ACACA: variants seen among roughly 807,000 people sequenced by gnomAD.
ACACA encodes the protein acetyl-CoA carboxylase alpha.
A neutral mutation model predicts 296.1 loss-of-function variants in ACACA; 103 were observed. The observed-to-expected ratio is 0.35, with a 90% confidence interval of 0.30 to 0.41. The LOEUF is 0.41. Ranked by LOEUF, ACACA falls within the 10% of genes least tolerant of loss-of-function variation. ACACA has a pLI of 1.00. For missense variants in ACACA, 1,554 were observed against 2,989.7 expected, an observed-to-expected ratio of 0.52 and a Z score of 11.20; for synonymous variants, 953 against 1,038.6, an observed-to-expected ratio of 0.92 and a Z score of 1.58.
intron 3 of ACACA, 35 bp downstream of exon 3, chr17:37,330,137 CA>C: frequency 6.2e-7 from 1 of 1,612,922 alleles, no homozygotes; most frequent in South Asian, 1.1e-5. Context: ...ACTAACAAGA[CA>C]GATTAAATAA....
At chr17:37,298,592 T>G (rs1254974689) in intron 3 of ACACA, among the ~76,000 whole-genome samples, 1 of 151,768 alleles carries the variant, frequency 6.6e-6, no homozygotes, top group Non-Finnish European at 1.5e-5. Context: ...GAGGCTGAGG[T>G]GGGAGGATCA....
At chr17:37,367,890 A>C (rs1318282216) in intron 1 of ACACA, among the ~76,000 whole-genome samples, 3 of 152,086 alleles carry the variant, frequency 2.0e-5, no homozygotes, top group African/African-American at 7.2e-5. Flanking sequence ...CAACATGATG[A>C]AACCCCGTCT....
intron 47 of ACACA, among the ~76,000 whole-genome samples, chr17:37,128,056 A>AAAAAAAAG (rs2074905344): frequency 7.8e-6 from 1 of 127,730 alleles, no homozygotes; most frequent in Non-Finnish European, 1.6e-5. Context: ...AAAAAAAAAC[A>AAAAAAAAG]GTAGGAAGAA....
intron 41 of ACACA, among the ~76,000 whole-genome samples, chr17:37,167,270 CTT>C (rs11387933): frequency 1.4e-3 from 146 of 105,524 alleles, no homozygotes; most frequent in African/African-American, 3.3e-3. Context: ...ATGGTATTTT[CTT>C]TTTTTTTTTT....
At chr17:37,107,876 C>T (rs1202749371) in intron 52 of ACACA, among the ~76,000 whole-genome samples, 1 of 152,206 alleles carries the variant, frequency 6.6e-6, no homozygotes, top group African/African-American at 2.4e-5. Context: ...GACCTCAGGT[C>T]ACAGCACTCA....
chr17:37,188,570 A>C, intron 38 of ACACA, 90 bp from the exon 39 acceptor site: 1 of 651,390 alleles, frequency 1.5e-6, no homozygotes, highest in South Asian at 2.8e-5. Flanking sequence ...AAGAAGGGGT[A>C]AAAAAAAAAA....
intron 52 of ACACA, among the ~76,000 whole-genome samples, chr17:37,110,330 G>A (rs1395736252): frequency 1.3e-5 from 2 of 152,240 alleles, no homozygotes; most frequent in Non-Finnish European, 2.9e-5. Flanking sequence ...TAATTAAAGT[G>A]TACAGGGTTG....
intron 3 of ACACA, among the ~76,000 whole-genome samples, chr17:37,291,820 CAT>C (rs1360478840): frequency 6.6e-6 from 1 of 151,934 alleles, no homozygotes; most frequent in Non-Finnish European, 1.5e-5. Context: ...TCTGAGATGA[CAT>C]ATACTAAATA....
intron 45 of ACACA, chr17:37,144,339 C>G (rs2075723474): frequency 2.0e-6 from 1 of 506,126 alleles, no homozygotes; most frequent in Non-Finnish European, 3.6e-6. Flanking sequence ...CAGTGCCTGT[C>G]TGGCTCTCGC....
Position 37,392,216 on chromosome 17 carries a change from C to T in ACACA, c.38+14046G>A, listed in dbSNP as rs370044531. ...AGCTTCTGGTACTACATGTATCTAT[C>T]CACACACTGCTGAAGGGAACTTGAC... On this transcript the variant is annotated intron_variant, in intron 1 of 55. Coordinates refer to ENST00000616317, the MANE Select transcript of ACACA (RefSeq NM_198834.3). 3.3e-4 allele frequency: 52 copies of T among 158,640 alleles called. 1 individual carries two copies. The South Asian group carries it at 6.0e-3, about 18-fold the overall frequency. The allele number at this position is 158,640 out of a possible 1,614,324, so 9.8% of individuals were successfully genotyped here.
At chr17:37,284,279 G>C (rs944883647) in intron 4 of ACACA, among the ~76,000 whole-genome samples, 9 of 152,146 alleles carry the variant, frequency 5.9e-5, no homozygotes, top group African/African-American at 2.2e-4. Flanking sequence ...GTAAGTCACA[G>C]TGTATCAAAC....
At chr17:37,125,158 A>G (rs1484535304) in intron 48 of ACACA, among the ~76,000 whole-genome samples, 1 of 152,104 alleles carries the variant, frequency 6.6e-6, no homozygotes, top group Non-Finnish European at 1.5e-5. Context: ...TCAATTTCCC[A>G]CTTCAAAAAT....
intron 45 of ACACA, 148 bp from the exon 46 acceptor site, chr17:37,130,366 T>A (rs2075029774): frequency 4.2e-6 from 4 of 963,848 alleles, no homozygotes; most frequent in Non-Finnish European, 4.7e-6. Context: ...ACTATCTGAA[T>A]CTTCTTCCTA....
chr17:37,247,904 C>A, intron 18 of ACACA, 107 bp downstream of exon 18: 29 of 1,251,254 alleles, frequency 2.3e-5, no homozygotes, highest in Middle Eastern at 2.7e-4. Context: ...TTTTTTTTAA[C>A]TACAAATGAG....
chr17:37,122,469 A>T (rs2074573048), intron 49 of ACACA, 62 bp downstream of exon 49: 1 of 1,295,682 alleles, frequency 7.7e-7, no homozygotes, highest in African/African-American at 1.5e-5. Flanking sequence ...TGATGTATTC[A>T]CAGGCACTGC....
chr17:37,336,278 A>G (rs2048114818), intron 2 of ACACA, among the ~76,000 whole-genome samples: 3 of 152,234 alleles, frequency 2.0e-5, no homozygotes, highest in East Asian at 1.9e-4. Flanking sequence ...CTACGCCCCA[A>G]TTCAGCAGGA....
intron 24 of ACACA, among the ~76,000 whole-genome samples, chr17:37,236,583 G>A (rs905312332): frequency 6.6e-6 from 1 of 151,810 alleles, no homozygotes; most frequent in Non-Finnish European, 1.5e-5. Flanking sequence ...CCAGCACTTT[G>A]GGCAGCCAAG....
chr17:37,279,291 T>C (rs1319194361), intron 5 of ACACA, among the ~76,000 whole-genome samples: 1 of 152,180 alleles, frequency 6.6e-6, no homozygotes, highest in Non-Finnish European at 1.5e-5. Flanking sequence ...GCATGCAAAT[T>C]ATTAAACAAT....
At chr17:37,092,364 T>C (rs928450125) in intron 54 of ACACA, among the ~76,000 whole-genome samples, 1 of 152,116 alleles carries the variant, frequency 6.6e-6, no homozygotes. Context: ...GCTAACATCA[T>C]GACAGGCCTG....
Sources: gnomAD v4.1 joint callset for allele counts (sites outside exome capture counted in the v4.1 genomes callset) on GRCh38, gnomAD v4.1.1 for gene constraint, MANE v1.5 for transcripts, NCBI Gene and HGNC (gene_info 2026-07-23, HGNC 2026-07-21) for gene names.